P2RX7: variants seen among roughly 807,000 people sequenced by gnomAD.
P2RX7 encodes purinergic receptor P2X 7, also known as P2X purinoceptor 7.
P2RX7 carries 62 observed loss-of-function variants against 71.6 expected under a neutral mutation model. That is an observed-to-expected ratio of 0.87 (90% CI 0.71 to 1.07). P2RX7 has a LOEUF of 1.07. Ranked by LOEUF, P2RX7 falls within the 50% of genes least tolerant of loss-of-function variation. P2RX7 has a pLI of 0.00. For synonymous variants in P2RX7, 299 were observed against 283.3 expected (o/e 1.06, Z -0.56); for missense variants, 686 against 748.5 (o/e 0.92, Z 0.97).
At position 121,133,106 on chromosome 12, in the gene P2RX7, T is replaced by C. The variant is rs1169495683; in HGVS notation, c.125+11T>C. On this transcript the variant is annotated intron_variant, in intron 1 of 12. Transcript: ENST00000328963. The stretch of plus-strand genomic sequence containing the variant: ...CTTTTCCTACGTTTGGTAAGTGGGA[T>C]CTGGGGAGGACCCAGATCTCTGCAG... The C allele has an allele frequency of 1.2e-6, 2 of 1,613,922 alleles. No homozygotes were observed. The highest frequency in any genetic ancestry group is 1.1e-5 in the South Asian group (1 of 91,074).
intron 8 of P2RX7, among the ~76,000 whole-genome samples, chr12:121,168,800 C>T (rs1881630190): frequency 6.6e-6 from 1 of 152,152 alleles, no homozygotes; most frequent in African/African-American, 2.4e-5. Flanking sequence ...ATTTGAGTTG[C>T]TTCCAGTTTT....
chr12:121,144,298 A>G (rs1484137863), intron 1 of P2RX7, among the ~76,000 whole-genome samples: 2 of 152,172 alleles, frequency 1.3e-5, no homozygotes, highest in African/African-American at 4.8e-5. Context: ...TCCGGATTCA[A>G]GCGATTCTCC....
intron 1 of P2RX7, chr12:121,148,925 G>T: frequency 2.6e-6 from 1 of 385,096 alleles, no homozygotes; most frequent in Admixed American, 3.3e-5. Flanking sequence ...TGTTGGCCTG[G>T]CTTAGGTGTG....
intron 9 of P2RX7, among the ~76,000 whole-genome samples, chr12:121,176,841 C>T (rs924175617): frequency 6.6e-6 from 1 of 151,758 alleles, no homozygotes; most frequent in African/African-American, 2.4e-5. Context: ...GGAGGAGAAG[C>T]TTGTCTGAAA....
chr12:121,171,931 G>A (rs1311864074), intron 8 of P2RX7, among the ~76,000 whole-genome samples: 3 of 147,016 alleles, frequency 2.0e-5, no homozygotes, highest in Non-Finnish European at 3.0e-5. Flanking sequence ...GCGTGATCTC[G>A]GCTCACTGCA....
intron 1 of P2RX7, among the ~76,000 whole-genome samples, chr12:121,150,865 C>T (rs1452578922): frequency 1.3e-5 from 2 of 152,118 alleles, no homozygotes; most frequent in Admixed American, 6.5e-5. Context: ...GCTGAGATCG[C>T]GCCATTGCAC....
chr12:121,175,417 T>G lies in P2RX7; in HGVS notation c.911T>G (p.Val304Gly), dbSNP rs372778665. Residue 304 changes from valine to glycine, a missense_variant, in exon 9 of 13, where the codon GTT becomes GGT. By Grantham distance (109) the Val-to-Gly change is moderately radical. Transcript: ENST00000328963. ...RYAKYYKENN[V>G]EKRTLIKVFG... Reference sequence around the variant, plus strand: ...GCCAAGTACTACAAGGAAAACAATGTTGAGAAACGGACTCTGATAAAAGTC... The same window carrying G: ...GCCAAGTACTACAAGGAAAACAATGGTGAGAAACGGACTCTGATAAAAGTC... The G allele has an allele frequency of 6.2e-7, 1 of 1,604,512 alleles. No homozygotes were observed. The highest frequency in any genetic ancestry group is 1.3e-5 in the African/African-American group (1 of 74,650).
At chr12:121,167,229 A>G (rs1881265545) in intron 7 of P2RX7, among the ~76,000 whole-genome samples, 1 of 151,918 alleles carries the variant, frequency 6.6e-6, no homozygotes, top group Non-Finnish European at 1.5e-5. Context: ...TGGGTACAGG[A>G]GTGGTCTGTT....
In P2RX7 at chr12:121,184,778, C is replaced by T. The variant is rs201308891; in HGVS notation, c.1764C>T (p.Tyr588=). 2.1e-5 allele frequency: 33 copies of T among 1,549,740 alleles called. No homozygotes were observed. The highest frequency in any genetic ancestry group is 1.7e-4 in the Middle Eastern group (1 of 5,916). The change falls in exon 13 of 13, where the codon TAC becomes TAT. Residue 588 remains tyrosine, a synonymous_variant. Coordinates refer to ENST00000328963, the MANE Select transcript of P2RX7 (RefSeq NM_002562.6). The part of the protein sequence containing the change: ...RKEFPKSEGQ[Y]SGFKSPY ...AGTTTCCGAAGAGTGAAGGGCAGTA[C>T]AGTGGCTTCAAGAGTCCTTACTGAA... is the stretch of plus-strand genomic sequence containing the variant.
chr12:121,159,757 G>T (rs1005025820), intron 3 of P2RX7, among the ~76,000 whole-genome samples: 2 of 152,096 alleles, frequency 1.3e-5, no homozygotes, highest in Admixed American at 1.3e-4. Flanking sequence ...GACCCAGCTG[G>T]TCTCATTTTC....
intron 1 of P2RX7, among the ~76,000 whole-genome samples, chr12:121,139,130 C>T (rs1220120226): frequency 3.3e-5 from 5 of 152,222 alleles, no homozygotes; most frequent in African/African-American, 1.2e-4. Context: ...TTAGTAGAGA[C>T]GGGGTTTTGC....
intron 1 of P2RX7, among the ~76,000 whole-genome samples, chr12:121,138,466 C>T (rs370868271): frequency 6.6e-6 from 1 of 152,230 alleles, no homozygotes; most frequent in Non-Finnish European, 1.5e-5. Context: ...GCCAAGGTGT[C>T]ATCCCATTGG....
intron 1 of P2RX7, among the ~76,000 whole-genome samples, chr12:121,147,515 C>T (rs1316249867): frequency 6.6e-6 from 1 of 152,164 alleles, no homozygotes; most frequent in Non-Finnish European, 1.5e-5. Flanking sequence ...GACAAATTAT[C>T]ACAATGTACC....
At chr12:121,136,023 A>AAAAAAAAAAATAT in intron 1 of P2RX7, among the ~76,000 whole-genome samples, 8 of 15,262 alleles carry the variant, frequency 5.2e-4, no homozygotes, top group African/African-American at 6.1e-4. Context: ...AAAAAAAAAA[A>AAAAAAAAAAATAT]ATATATATAT....
intron 1 of P2RX7, among the ~76,000 whole-genome samples, chr12:121,136,103 TTATATATTTA>T (rs542710033): frequency 3.0e-3 from 439 of 144,386 alleles, no homozygotes; most frequent in African/African-American, 0.01. Flanking sequence ...TTTATATTTT[TTATATATTTA>T]TATATATTTA....
At chr12:121,160,415 G>A (rs1263542615) in intron 3 of P2RX7, among the ~76,000 whole-genome samples, 1 of 152,160 alleles carries the variant, frequency 6.6e-6, no homozygotes, top group African/African-American at 2.4e-5. Flanking sequence ...CCAAAGTGCT[G>A]GGATTACAGG....
intron 11 of P2RX7, among the ~76,000 whole-genome samples, chr12:121,179,533 G>T (rs1278187784): frequency 1.3e-5 from 2 of 149,924 alleles, no homozygotes; most frequent in Non-Finnish European, 1.5e-5. Context: ...CGATTTCTTT[G>T]TCTTTCCCTC....
intron 3 of P2RX7, among the ~76,000 whole-genome samples, chr12:121,159,417 C>CAAAAAAAAA (rs397850013): frequency 1.5e-5 from 1 of 65,756 alleles, no homozygotes; most frequent in Non-Finnish European, 2.8e-5. Context: ...ACTCTGTCTC[C>CAAAAAAAAA]AAAAAAAAAA....
chr12:121,147,768 C>G (rs1000411278), intron 1 of P2RX7, among the ~76,000 whole-genome samples: 1 of 152,098 alleles, frequency 6.6e-6, no homozygotes, highest in East Asian at 1.9e-4. Flanking sequence ...TGCACCACCA[C>G]GCCCAGCTAA....
Sources: gnomAD v4.1 joint callset for allele counts (sites outside exome capture counted in the v4.1 genomes callset) on GRCh38, gnomAD v4.1.1 for gene constraint, MANE v1.5 for transcripts, NCBI Gene and HGNC (gene_info 2026-07-23, HGNC 2026-07-21) for gene names.